Variants in DHRSX observed in about 807,000 individuals in gnomAD.
The protein encoded by DHRSX is dehydrogenase/reductase X-linked, also known as polyprenol dehydrogenase.
DHRSX carries 31 observed loss-of-function variants against 34.0 expected under a neutral mutation model. The observed-to-expected ratio is 0.91, with a 90% CI of 0.69 to 1.23. DHRSX has a LOEUF of 1.23. Among genes scored for constraint, DHRSX ranks in the 50% most tolerant of loss-of-function variants. The probability of loss-of-function intolerance (pLI) is 0.00; values close to 1 mark genes in which losing one functional copy is unlikely to be tolerated. For missense variants in DHRSX, 414 were observed against 428.1 expected (o/e 0.97, Z 0.29); for synonymous variants, 201 against 183.8 (o/e 1.09, Z -0.76).
At chrX:2,453,976 A>G (rs182537873) in intron 1 of DHRSX, among the ~76,000 whole-genome samples, 3 of 152,308 alleles carry the variant, frequency 2.0e-5, no homozygotes, top group Admixed American at 6.5e-5. Context: ...GCTTGATTTA[A>G]TCATTGCACA....
chrX:2,304,736 C>T (rs1358157957), intron 3 of DHRSX, among the ~76,000 whole-genome samples: 5 of 151,354 alleles, frequency 3.3e-5, no homozygotes, highest in Non-Finnish European at 7.4e-5. Context: ...TCCCGTACAG[C>T]CTGCAGATCC....
At chrX:2,411,530 G>C (rs931818063) in intron 2 of DHRSX, among the ~76,000 whole-genome samples, 11 of 149,056 alleles carry the variant, frequency 7.4e-5, no homozygotes, top group Non-Finnish European at 1.6e-4. Context: ...ACTCCAGCCT[G>C]GGCGACAGAG....
intron 6 of DHRSX, among the ~76,000 whole-genome samples, chrX:2,237,847 G>A (rs1157032213): frequency 6.6e-6 from 1 of 152,024 alleles, no homozygotes; most frequent in Non-Finnish European, 1.5e-5. Context: ...AGACAACTGG[G>A]GTGGGAAGAG....
intron 3 of DHRSX, among the ~76,000 whole-genome samples, chrX:2,305,373 T>C (rs573099095): frequency 1.3e-5 from 2 of 152,248 alleles, no homozygotes; most frequent in African/African-American, 4.8e-5. Context: ...GAAACAGGAA[T>C]GCTTTTACAC....
intron 3 of DHRSX, among the ~76,000 whole-genome samples, chrX:2,404,997 G>A (rs1343670298): frequency 2.6e-5 from 4 of 152,196 alleles, no homozygotes; most frequent in Non-Finnish European, 4.4e-5. Context: ...CTGGCTGAGC[G>A]GGAGCCCCTG....
Position 2,478,406 on chromosome X carries a change from T to C in DHRSX, c.109+22411A>G, listed in dbSNP as rs781488134. ...TGTGGCAGGGACACATTCTGGCCAA[T>C]GGACTGTCACCTTGTACAAACTGAA... On this transcript the variant is annotated intron_variant, in intron 1 of 6. Transcript: ENST00000334651. Among the ~76,000 whole-genome samples the C allele has an allele frequency of 2.2e-3, 331 of 152,236 alleles. 3 individuals carry two copies. Among genetic ancestry groups the C allele is most frequent in the African/African-American group, 6.7e-3 (279 of 41,534 alleles).
In DHRSX at chrX:2,492,860, C is replaced by T. The variant is rs147132074; in HGVS notation, c.109+7957G>A. On this transcript the variant is annotated intron_variant, in intron 1 of 6. Transcript: ENST00000334651. ...GAATAAGCTATGGTTTTAAGCCCTC[C>T]GGTTTCTGGTACTTTATTAAAGCAA... is the stretch of plus-strand genomic sequence containing the variant. Among the ~76,000 whole-genome samples the T allele has an allele frequency of 5.4e-4, 82 of 152,326 alleles. 1 individual carries two copies. In the South Asian group the frequency reaches 0.015, roughly 27 times the overall value.
Position 2,239,637 on chromosome X carries a change from C to T in DHRSX, c.804+3386G>A, listed in dbSNP as rs185910814. On this transcript the variant is annotated intron_variant, in intron 6 of 6. Coordinates refer to ENST00000334651, the MANE Select transcript of DHRSX (RefSeq NM_145177.3). ...AAAAAAAATTAGCCAGACGTGGTGG[C>T]GGGCACCTGTGGTCCCATTTACTCG... is the stretch of plus-strand genomic sequence containing the variant. Among the ~76,000 whole-genome samples, 1,430 of 152,044 alleles carry T rather than the reference C, an allele frequency of 9.4e-3. 12 individuals are homozygous for T. Among genetic ancestry groups the T allele is most frequent in the Non-Finnish European group, 0.013 (906 of 67,964 alleles).
At chrX:2,365,249 C>G (rs1351925052) in intron 3 of DHRSX, among the ~76,000 whole-genome samples, 1 of 152,164 alleles carries the variant, frequency 6.6e-6, no homozygotes, top group Non-Finnish European at 1.5e-5. Context: ...AATAAATTCT[C>G]CTGCCTCAGC....
At chrX:2,337,784 T>G (rs1409243413) in intron 3 of DHRSX, 1 of 152,086 alleles carries the variant, frequency 6.6e-6, no homozygotes, top group Non-Finnish European at 1.5e-5. Flanking sequence ...CAATGCACAC[T>G]TAACAAGCAC....
chrX:2,384,653 A>G (rs2043248565), intron 3 of DHRSX, among the ~76,000 whole-genome samples: 1 of 151,814 alleles, frequency 6.6e-6, no homozygotes, highest in African/African-American at 2.4e-5. Context: ...CTCCAGCTGG[A>G]CTATAAATTC....
At chrX:2,412,075 T>C (rs749964616) in intron 2 of DHRSX, among the ~76,000 whole-genome samples, 1 of 152,334 alleles carries the variant, frequency 6.6e-6, no homozygotes, top group East Asian at 1.9e-4. Flanking sequence ...ACGTGGGACA[T>C]TTGGCCTCAT....
chrX:2,314,477 GGAAGGAAGGAAGGGAGGTAAA>G (rs2042216363), intron 3 of DHRSX, among the ~76,000 whole-genome samples: 1 of 121,756 alleles, frequency 8.2e-6, no homozygotes, highest in African/African-American at 4.2e-5. Context: ...GGAGAAGGAA[GGAAGGAAGGAAGGGAGGTAAA>G]GGAGGTAAGG....
chrX:2,236,079 TC>T (rs772019331), intron 6 of DHRSX, among the ~76,000 whole-genome samples: 181 of 151,620 alleles, frequency 1.2e-3, no homozygotes, highest in Non-Finnish European at 2.3e-3. Flanking sequence ...GCCATTGTAC[TC>T]CAGCCTGGGT....
At chrX:2,343,682 C>A (rs2042667330) in intron 3 of DHRSX, among the ~76,000 whole-genome samples, 1 of 152,220 alleles carries the variant, frequency 6.6e-6, no homozygotes, top group Admixed American at 6.5e-5. Context: ...AAGATGGCGA[C>A]CACTGATGGC....
chrX:2,495,610 G>GT (rs34862398), intron 1 of DHRSX, among the ~76,000 whole-genome samples: 25,807 of 152,018 alleles, frequency 0.17, 2,798 homozygotes, highest in East Asian at 0.41. Context: ...CTGAACCCAC[G>GT]TAACAGCCAC....
intron 1 of DHRSX, among the ~76,000 whole-genome samples, chrX:2,446,928 G>A (rs771628033): frequency 2.2e-4 from 34 of 151,978 alleles, no homozygotes; most frequent in Non-Finnish European, 2.2e-4. Flanking sequence ...AGGGGCCGCC[G>A]CCATGTACGC....
chrX:2,324,950 T>TG (rs1048891599), intron 3 of DHRSX, among the ~76,000 whole-genome samples: 33 of 149,646 alleles, frequency 2.2e-4, no homozygotes, highest in Admixed American at 3.4e-4. Context: ...TGTTTTGTTT[T>TG]TTTTTTTTTT....
At chrX:2,495,567 T>C (rs999384392) in intron 1 of DHRSX, among the ~76,000 whole-genome samples, 1 of 151,740 alleles carries the variant, frequency 6.6e-6, no homozygotes, top group African/African-American at 2.4e-5. Context: ...GATTCCCAGG[T>C]AAAGAACCGT....
Sources: allele counts gnomAD v4.1 joint callset (sites outside exome capture counted in the v4.1 genomes callset), GRCh38; gene constraint gnomAD v4.1.1; transcripts MANE v1.5; gene names NCBI Gene and HGNC (gene_info 2026-07-23, HGNC 2026-07-21).